The following NLRP8 variants were observed in gnomAD, a reference collection of about 807,000 sequenced individuals.
NLRP8 encodes NLR family pyrin domain containing 8, also known as NACHT, LRR and PYD domains-containing protein 8.
Under a neutral mutation model 88.7 loss-of-function variants are expected in NLRP8, and 86 were observed. The ratio of observed to expected loss-of-function variants is 0.97; its 90% CI spans 0.81 to 1.16. The LOEUF is 1.16. Ranked by LOEUF, NLRP8 falls within the 50% of genes most tolerant of loss-of-function variation. The probability of loss-of-function intolerance (pLI) is 0.00; values close to 1 mark genes in which losing one functional copy is unlikely to be tolerated. For synonymous variants in NLRP8, 504 were observed against 494.6 expected, an observed-to-expected ratio of 1.02 and a Z score of -0.25; for missense variants, 1,342 against 1,286.5, an observed-to-expected ratio of 1.04 and a Z score of -0.66.
At chr19:55,964,353 C>G (rs370488796) in intron 4 of NLRP8, among the ~76,000 whole-genome samples, 1 of 152,248 alleles carries the variant, frequency 6.6e-6, no homozygotes, top group Admixed American at 6.5e-5. Flanking sequence ...AGAGAGGTTA[C>G]GTGATTTGTG....
chr19:55,976,558 G>C (rs1980336976), intron 8 of NLRP8, among the ~76,000 whole-genome samples: 1 of 152,056 alleles, frequency 6.6e-6, no homozygotes, highest in Admixed American at 6.6e-5. Flanking sequence ...AGGGTGGGAT[G>C]CAGCAATCTG....
intron 1 of NLRP8, among the ~76,000 whole-genome samples, chr19:55,952,084 G>T (rs1979119917): frequency 1.3e-5 from 2 of 152,104 alleles, no homozygotes; most frequent in African/African-American, 2.4e-5. Flanking sequence ...TTATTTTATT[G>T]TTGTATTTTT....
In NLRP8 at chr19:55,962,062, T is replaced by A. The variant is rs1042297142; in HGVS notation, c.2043-5T>A. On this transcript the variant is annotated splice_polypyrimidine_tract_variant and splice_region_variant and intron_variant, in intron 3 of 9. Transcript: ENST00000291971. ...GGTGTTTTCTCTCTTCTCCCTTCCA[T>A]GTAGAGCGCCAGAGAGCAATGGGCT... 1.1e-5 allele frequency: 17 copies of A among 1,613,036 alleles called. No individual in the cohort carries two copies. The highest frequency in any genetic ancestry group is 1.4e-5 in the Non-Finnish European group (17 of 1,179,628).
intron 9 of NLRP8, among the ~76,000 whole-genome samples, chr19:55,986,914 A>G (rs951197161): frequency 6.6e-6 from 1 of 151,768 alleles, no homozygotes; most frequent in Admixed American, 6.6e-5. Context: ...AGGTGCCCCC[A>G]CCCTCTCCCT....
rs10409022 is a variant in NLRP8, at chr19:55,973,552, C to A, written c.2535-100C>A. On this transcript the variant is annotated intron_variant, in intron 6 of 9. Coordinates refer to ENST00000291971, the MANE Select transcript of NLRP8 (RefSeq NM_176811.2). Reference sequence around the variant, plus strand: ...TGGTGATGACAGAGGTGTGAGGATGCTTCTGCATCCAGAGGGAGAGCCCTG... The same window carrying A: ...TGGTGATGACAGAGGTGTGAGGATGATTCTGCATCCAGAGGGAGAGCCCTG... 3,019 of 1,103,460 alleles carry A rather than the reference C, an allele frequency of 2.7e-3. 69 individuals are homozygous for A. The African/African-American group carries it at 0.041, about 15-fold the overall frequency. The allele number at this position is 1,103,460 out of a possible 1,614,324, so 68.4% of individuals were successfully genotyped here.
chr19:55,948,067 G>C lies in NLRP8; in HGVS notation c.165G>C (p.Arg55=). Residue 55 remains arginine (R), a synonymous_variant, in exon 1 of 10, where the codon CGG becomes CGC. Coordinates refer to ENST00000291971, the MANE Select transcript of NLRP8 (RefSeq NM_176811.2). ...ACGTGAGCCATGAGGAGCTACAACG[G>C]TTCAAGCAGCTCTTACTGACTGAGC... The C allele has an allele frequency of 6.2e-7, 1 of 1,614,118 alleles. No homozygotes were observed. Among genetic ancestry groups the C allele is most frequent in the Non-Finnish European group, 8.5e-7 (1 of 1,180,020 alleles).
chr19:55,979,212 G>A (rs755924542), intron 8 of NLRP8, among the ~76,000 whole-genome samples, 182 bp from the exon 9 acceptor site: 45 of 152,344 alleles, frequency 3.0e-4, no homozygotes, highest in Non-Finnish European at 6.2e-4. Flanking sequence ...ACTATAGCCT[G>A]CTCTGAAATC....
At chr19:55,971,896 T>A (rs1187353633) in intron 6 of NLRP8, among the ~76,000 whole-genome samples, 1 of 152,156 alleles carries the variant, frequency 6.6e-6, no homozygotes, top group Non-Finnish European at 1.5e-5. Context: ...TGGTTTTAAT[T>A]TGCATTTCCT....
intron 6 of NLRP8, among the ~76,000 whole-genome samples, chr19:55,972,790 G>GGTGT (rs779127687): frequency 2.6e-4 from 36 of 138,930 alleles, no homozygotes; most frequent in East Asian, 8.1e-4. Flanking sequence ...AGTATTCCAT[G>GGTGT]GTGTGTGTGT....
intron 2 of NLRP8, among the ~76,000 whole-genome samples, chr19:55,954,162 C>T (rs546358347): frequency 6.6e-6 from 1 of 152,268 alleles, no homozygotes; most frequent in East Asian, 1.9e-4. Context: ...CAGCGATCTT[C>T]TATCTGTGAG....
chr19:55,986,030 T>C (rs1980790396), intron 9 of NLRP8, among the ~76,000 whole-genome samples: 1 of 152,030 alleles, frequency 6.6e-6, no homozygotes, highest in South Asian at 2.1e-4. Flanking sequence ...CATGGGACTT[T>C]ATCAAAAGTA....
chr19:55,958,500 G>A (rs1045277184), intron 3 of NLRP8, among the ~76,000 whole-genome samples: 2 of 152,196 alleles, frequency 1.3e-5, no homozygotes, highest in East Asian at 3.9e-4. Context: ...ACAGCCAGGA[G>A]GCCAAACCTA....
chr19:55,974,877 TTC>T (rs1402316264), intron 7 of NLRP8, among the ~76,000 whole-genome samples: 4 of 152,148 alleles, frequency 2.6e-5, no homozygotes, highest in African/African-American at 9.7e-5. Context: ...TTACTGTCTG[TTC>T]TTTCTGGCTG....
chr19:55,984,726 C>T (rs1252099847), intron 9 of NLRP8, among the ~76,000 whole-genome samples: 1 of 151,330 alleles, frequency 6.6e-6, no homozygotes, highest in East Asian at 1.9e-4. Flanking sequence ...AATCCCACCC[C>T]TTTGGGAGGC....
intron 9 of NLRP8, among the ~76,000 whole-genome samples, chr19:55,982,772 T>C (rs932977902): frequency 3.3e-5 from 5 of 152,148 alleles, no homozygotes; most frequent in African/African-American, 9.7e-5. Flanking sequence ...GGAGTCCCCA[T>C]CTACATTAAA....
In NLRP8 at chr19:55,987,802, A is replaced by G; in HGVS notation, c.3048-12A>G. ...TAACCTCAACCAGCAGCCTTCCTTTACCTCCCTCCAGCTGTATTCCTGCCT... is the reference window on the plus strand; with the variant it reads ...TAACCTCAACCAGCAGCCTTCCTTTGCCTCCCTCCAGCTGTATTCCTGCCT... On this transcript the variant is annotated splice_polypyrimidine_tract_variant and intron_variant, in intron 9 of 9. Transcript: ENST00000291971. 5 of 1,585,808 alleles carry G rather than the reference A, an allele frequency of 3.2e-6. No individual in the cohort carries two copies. Among genetic ancestry groups the G allele is most frequent in the East Asian group, 2.2e-5 (1 of 44,666 alleles).
intron 9 of NLRP8, among the ~76,000 whole-genome samples, chr19:55,982,977 A>G (rs894399636): frequency 6.6e-6 from 1 of 152,078 alleles, no homozygotes; most frequent in African/African-American, 2.4e-5. Context: ...GGACATAGCA[A>G]TAGGAACAAG....
intron 3 of NLRP8, among the ~76,000 whole-genome samples, chr19:55,961,189 A>G (rs1389575472): frequency 6.6e-6 from 1 of 152,002 alleles, no homozygotes; most frequent in Non-Finnish European, 1.5e-5. Context: ...AATGTGAGCC[A>G]CCGTGCCCGG....
At chr19:55,970,062 C>T (rs1209731063) in intron 5 of NLRP8, among the ~76,000 whole-genome samples, 1 of 152,122 alleles carries the variant, frequency 6.6e-6, no homozygotes, top group Non-Finnish European at 1.5e-5. Flanking sequence ...TATTGCACAG[C>T]AGGGTGACTA....
Sources: allele counts gnomAD v4.1 joint callset (sites outside exome capture counted in the v4.1 genomes callset), GRCh38; gene constraint gnomAD v4.1.1; transcripts MANE v1.5; gene names NCBI Gene and HGNC (gene_info 2026-07-23, HGNC 2026-07-21).